LRP1B: variants seen among roughly 807,000 people sequenced by gnomAD.
LRP1B encodes LDL receptor related protein 1B.
Under a neutral mutation model 556.6 loss-of-function variants are expected in LRP1B, and 217 were observed. That is an observed-to-expected ratio of 0.39 (90% CI 0.35 to 0.44). The LOEUF (loss-of-function observed/expected upper bound fraction) is 0.44, where lower values mean the gene tolerates loss of function less well. LRP1B is among the 20% of genes least tolerant of loss of function. LRP1B has a pLI of 1.00. For missense variants in LRP1B, 5,053 were observed against 5,620.8 expected (o/e 0.90, Z 3.23); for synonymous variants, 2,047 against 1,865.8 (o/e 1.10, Z -2.50).
intron 3 of LRP1B, among the ~76,000 whole-genome samples, chr2:141,339,955 C>A (rs985856333): frequency 6.6e-6 from 1 of 152,072 alleles, no homozygotes; most frequent in Non-Finnish European, 1.5e-5. Flanking sequence ...CCACTGGAGT[C>A]TCCAGGTGTC....
chr2:141,327,834 G>T (rs1045426019), intron 3 of LRP1B, among the ~76,000 whole-genome samples: 1 of 151,692 alleles, frequency 6.6e-6, no homozygotes, highest in Non-Finnish European at 1.5e-5. Flanking sequence ...TCTCTAGATG[G>T]AGCGATTGAA....
Position 140,234,873 on chromosome 2 carries a change from T to C in LRP1B, c.13572A>G (p.Ile4524Met). The change falls in exon 90 of 91, where the codon ATA becomes ATG. Residue 4524 changes from isoleucine to methionine, a missense_variant. Physicochemically the swap from Ile to Met is conservative, Grantham distance 10. Coordinates refer to ENST00000389484, the MANE Select transcript of LRP1B (RefSeq NM_018557.3). ...FMIDPTKARY[I>M]GGGPSAFKLP... ...GCTTGAAAGCACTGGGTCCTCCCCCTATGTACCTGGCCTGTATATAAACAG... is the reference window on the plus strand; with the variant it reads ...GCTTGAAAGCACTGGGTCCTCCCCCCATGTACCTGGCCTGTATATAAACAG... 1.3e-6 allele frequency: 1 copy of C among 775,134 alleles called. No individual in the cohort carries two copies. Among genetic ancestry groups the C allele is most frequent in the Non-Finnish European group, 2.4e-6 (1 of 414,586 alleles). The allele number at this position is 775,134 out of a possible 1,614,324, so 48.0% of individuals were successfully genotyped here.
intron 1 of LRP1B, among the ~76,000 whole-genome samples, chr2:142,092,111 T>A (rs1484871434): frequency 1.3e-5 from 2 of 152,186 alleles, no homozygotes; most frequent in East Asian, 1.9e-4. Flanking sequence ...CCACGCTGAT[T>A]TCATCCAGGT....
intron 13 of LRP1B, among the ~76,000 whole-genome samples, chr2:141,014,497 C>T (rs1697846754): frequency 1.3e-5 from 2 of 151,906 alleles, no homozygotes; most frequent in African/African-American, 2.4e-5. Flanking sequence ...AATACTTTTT[C>T]ACCTTTTACC....
intron 14 of LRP1B, among the ~76,000 whole-genome samples, chr2:141,006,722 A>G (rs1386994582): frequency 6.6e-6 from 1 of 152,018 alleles, no homozygotes; most frequent in Non-Finnish European, 1.5e-5. Context: ...GTGCTAAAAA[A>G]TTTTATACCT....
At chr2:140,700,038 T>C (rs552153125) in intron 41 of LRP1B, among the ~76,000 whole-genome samples, 1 of 140,484 alleles carries the variant, frequency 7.1e-6, no homozygotes, top group South Asian at 2.3e-4. Context: ...TAGAAGGTAA[T>C]AATCATAATT....
At position 140,976,286 on chromosome 2, in the gene LRP1B, C is replaced by G. The variant is rs117732472; in HGVS notation, c.2887+5874G>C. Among the ~76,000 whole-genome samples, 246 of 152,038 alleles carry G rather than the reference C, an allele frequency of 1.6e-3. 4 individuals are homozygous for G. The highest frequency in any genetic ancestry group is 5.0e-3 in the East Asian group (26 of 5,154). On this transcript the variant is annotated intron_variant, in intron 18 of 90. Transcript: ENST00000389484. ...CCTGTCCTTTCCTCTCCTCTCCCTA[C>G]CCCCTCCTCTACTGTCCTCTCTTTT...
chr2:141,785,018 A>G (rs1574356586), intron 2 of LRP1B, among the ~76,000 whole-genome samples: 4 of 151,946 alleles, frequency 2.6e-5, no homozygotes, highest in African/African-American at 9.7e-5. Flanking sequence ...CTGGCATACT[A>G]GAGACTTCTA....
At chr2:141,973,748 A>G (rs1214732687) in intron 1 of LRP1B, among the ~76,000 whole-genome samples, 2 of 151,712 alleles carry the variant, frequency 1.3e-5, no homozygotes, top group Non-Finnish European at 2.9e-5. Flanking sequence ...TTTTAGACAA[A>G]TACTGTAATA....
chr2:140,861,463 A>G (rs759352546), intron 27 of LRP1B, among the ~76,000 whole-genome samples: 4 of 152,180 alleles, frequency 2.6e-5, no homozygotes, highest in Non-Finnish European at 5.9e-5. Flanking sequence ...CATTTTACAG[A>G]TTTACAAACA....
At chr2:141,781,845 AACAAAGATG>A (rs941061626) in intron 2 of LRP1B, among the ~76,000 whole-genome samples, 2 of 146,074 alleles carry the variant, frequency 1.4e-5, no homozygotes, top group Non-Finnish European at 3.1e-5. Context: ...GGATCATGAG[AACAAAGATG>A]ATGATGATGA....
chr2:141,743,036 T>C (rs1693768314), intron 2 of LRP1B, among the ~76,000 whole-genome samples: 1 of 152,152 alleles, frequency 6.6e-6, no homozygotes, highest in South Asian at 2.1e-4. Flanking sequence ...TAAGATCATA[T>C]CATCTGCAAA....
At chr2:141,610,336 A>T (rs1486449614) in intron 2 of LRP1B, among the ~76,000 whole-genome samples, 1 of 34,118 alleles carries the variant, frequency 2.9e-5, no homozygotes, top group African/African-American at 5.0e-5. Context: ...AATAATAATA[A>T]TAATAATAAA....
At chr2:142,109,012 G>A (rs1206438627) in intron 1 of LRP1B, among the ~76,000 whole-genome samples, 1 of 152,182 alleles carries the variant, frequency 6.6e-6, no homozygotes, top group Admixed American at 6.5e-5. Context: ...AGTATTTCAA[G>A]TGCTGGGGTG....
chr2:141,379,245 C>T lies in LRP1B; in HGVS notation c.343+101151G>A, dbSNP rs570394424. 1.8e-4 allele frequency among the ~76,000 whole-genome samples: 27 copies of T among 152,206 alleles called. 2 individuals are homozygous for T. The South Asian group carries it at 5.6e-3, about 32-fold the overall frequency. On this transcript the variant is annotated intron_variant, in intron 3 of 90. Transcript: ENST00000389484. ...GTGCTAAAATTTAAAAATCTGCAAA[C>T]AGGAATTGCATATCTGGCAAAACTA...
chr2:140,924,184 G>T (rs546185353), intron 20 of LRP1B, among the ~76,000 whole-genome samples: 1 of 151,858 alleles, frequency 6.6e-6, no homozygotes, highest in African/African-American at 2.4e-5. Context: ...TTATTACACT[G>T]GTTTGGTAGA....
intron 7 of LRP1B, among the ~76,000 whole-genome samples, chr2:141,177,673 A>G (rs1006232977): frequency 3.3e-5 from 5 of 152,158 alleles, no homozygotes; most frequent in Non-Finnish European, 5.9e-5. Context: ...AAAGCAAAAA[A>G]TGAAAGTGAA....
intron 7 of LRP1B, among the ~76,000 whole-genome samples, chr2:141,174,026 CCA>C (rs959174700): frequency 2.0e-5 from 3 of 151,880 alleles, no homozygotes; most frequent in Non-Finnish European, 2.9e-5. Flanking sequence ...TCTCTGTCCT[CCA>C]CTCTCAGATT....
intron 41 of LRP1B, among the ~76,000 whole-genome samples, chr2:140,623,381 C>T (rs1310536634): frequency 6.6e-6 from 1 of 151,902 alleles, no homozygotes; most frequent in Non-Finnish European, 1.5e-5. Flanking sequence ...ACAGTAAATG[C>T]ATTTTGTTTA....
Sources: allele counts gnomAD v4.1 joint callset (sites outside exome capture counted in the v4.1 genomes callset), GRCh38; gene constraint gnomAD v4.1.1; transcripts MANE v1.5; gene names NCBI Gene and HGNC (gene_info 2026-07-23, HGNC 2026-07-21).